Variants in ESRRB observed in about 807,000 individuals in gnomAD.
ESRRB encodes steroid hormone receptor ERR2.
A neutral mutation model predicts 46.0 loss-of-function variants in ESRRB; 16 were observed. The observed-to-expected ratio is 0.35, with a 90% CI of 0.24 to 0.53. The LOEUF (loss-of-function observed/expected upper bound fraction) is 0.53. ESRRB is among the 20% of genes least tolerant of loss of function. The probability of loss-of-function intolerance (pLI) is 0.93; values close to 1 mark genes in which losing one functional copy is unlikely to be tolerated. For missense variants in ESRRB, 488 were observed against 607.4 expected (o/e 0.80, Z 2.07); for synonymous variants, 246 against 259.6 (o/e 0.95, Z 0.50).
intron 1 of ESRRB, among the ~76,000 whole-genome samples, chr14:76,323,342 C>T (rs1307378050): frequency 6.8e-6 from 1 of 148,074 alleles, no homozygotes; most frequent in Non-Finnish European, 1.5e-5. Context: ...GAGGGTCTCA[C>T]TCTGTTGCCC....
intron 1 of ESRRB, among the ~76,000 whole-genome samples, chr14:76,398,927 T>G (rs573577206): frequency 3.3e-4 from 50 of 152,322 alleles, no homozygotes; most frequent in African/African-American, 1.2e-3. Flanking sequence ...CTCTGTCTGC[T>G]GAGGGGACTG....
chr14:76,412,406 G>T (rs1212063396), intron 1 of ESRRB, among the ~76,000 whole-genome samples: 1 of 152,154 alleles, frequency 6.6e-6, no homozygotes, highest in African/African-American at 2.4e-5. Flanking sequence ...TTTCAGTCTT[G>T]TGGGAACCAG....
intron 2 of ESRRB, 78 bp from the exon 3 acceptor site, chr14:76,462,467 C>A: frequency 9.2e-7 from 1 of 1,087,036 alleles, no homozygotes; most frequent in Non-Finnish European, 1.4e-6. Context: ...TTAAAATCCC[C>A]ATCCAGCCAG....
chr14:76,383,912 C>A (rs190836536), intron 1 of ESRRB, among the ~76,000 whole-genome samples: 39 of 152,150 alleles, frequency 2.6e-4, no homozygotes, highest in African/African-American at 9.2e-4. Flanking sequence ...ATCTGAGGCG[C>A]GTGGTGATAG....
chr14:76,353,801 C>CA (rs1479864426), intron 1 of ESRRB, among the ~76,000 whole-genome samples: 2 of 151,508 alleles, frequency 1.3e-5, no homozygotes, highest in African/African-American at 4.9e-5. Flanking sequence ...ATGTTAGTTA[C>CA]AAAAAAATTA....
At chr14:76,479,217 T>TTGTGTG (rs146974231) in intron 3 of ESRRB, among the ~76,000 whole-genome samples, 5 of 144,914 alleles carry the variant, frequency 3.5e-5, no homozygotes, top group Admixed American at 2.8e-4. Flanking sequence ...CACTGTCTGT[T>TTGTGTG]TGTGTGTGTG....
At position 76,381,095 on chromosome 14, in the gene ESRRB, G is replaced by T. The variant is rs1178412749; in HGVS notation, c.50+4644G>T. Among the ~76,000 whole-genome samples the T allele has an allele frequency of 2.6e-5, 4 of 152,306 alleles. No homozygotes were observed. In the East Asian group the frequency reaches 7.7e-4, roughly 29 times the overall value. ...TCACAGACATGGTCTTCCCTCAGAG[G>T]AGAGGCCCATAGGCTTTGGGTGGCC... On this transcript the variant is annotated intron_variant, in intron 1 of 6. Coordinates refer to ENST00000644823, the MANE Select transcript of ESRRB (RefSeq NM_001379180.1).
In ESRRB at chr14:76,500,017, A is replaced by G. The variant is rs776268469; in HGVS notation, c.*1559A>G. On this transcript the variant is annotated 3_prime_UTR_variant, in exon 7 of 7. Transcript: ENST00000644823. The stretch of plus-strand genomic sequence containing the variant: ...CGCCCTTCTAGTCCAACCCCCCTCA[A>G]TGAGAGAGGCAGGCAGATCTCACCC... 34 of 1,563,552 alleles carry G rather than the reference A, an allele frequency of 2.2e-5. No homozygotes were observed. The South Asian group carries it at 2.7e-4, about 12-fold the overall frequency.
At chr14:76,432,225 G>A (rs1046337637) in intron 1 of ESRRB, among the ~76,000 whole-genome samples, 1 of 152,202 alleles carries the variant, frequency 6.6e-6, no homozygotes, top group Non-Finnish European at 1.5e-5. Flanking sequence ...GCATTGAGTG[G>A]GTAGAGGCCG....
At chr14:76,321,899 A>AAAT (rs1555388819) in intron 1 of ESRRB, among the ~76,000 whole-genome samples, 1 of 151,502 alleles carries the variant, frequency 6.6e-6, no homozygotes, top group East Asian at 1.9e-4. Flanking sequence ...AAAAAAAAAA[A>AAAT]ATATATTCTT....
rs73318379 is a variant in ESRRB at position 76,456,131 on chromosome 14, T to G, written c.461-6414T>G. Among the ~76,000 whole-genome samples, 95 of 152,016 alleles carry G rather than the reference T, an allele frequency of 6.2e-4. 1 individual carries two copies. The highest frequency in any genetic ancestry group is 2.2e-3 in the African/African-American group (91 of 41,482). On this transcript the variant is annotated intron_variant, in intron 2 of 6. Transcript: ENST00000644823. The stretch of plus-strand genomic sequence containing the variant: ...TCAGGATTTGGACACCATTGCTGCT[T>G]TGTCTTGTAGCTCCTGCTGCTGCTA...
At chr14:76,451,271 A>G (rs1258080759) in intron 2 of ESRRB, among the ~76,000 whole-genome samples, 2 of 152,328 alleles carry the variant, frequency 1.3e-5, no homozygotes, top group Non-Finnish European at 1.5e-5. Context: ...AACCAGGCTT[A>G]GAATCTCAGC....
At chr14:76,490,307 C>T (rs1890174321) in intron 5 of ESRRB, among the ~76,000 whole-genome samples, 1 of 152,202 alleles carries the variant, frequency 6.6e-6, no homozygotes, top group African/African-American at 2.4e-5. Flanking sequence ...TATTTATTTA[C>T]TTACTCTCTC....
intron 3 of ESRRB, among the ~76,000 whole-genome samples, chr14:76,462,944 C>A (rs1047258807): frequency 5.9e-5 from 9 of 152,174 alleles, no homozygotes; most frequent in Non-Finnish European, 1.3e-4. Context: ...CCTTTAGGGG[C>A]AAATCCCACG....
chr14:76,333,485 A>AT (rs1427020093), intron 1 of ESRRB, among the ~76,000 whole-genome samples: 2 of 122,512 alleles, frequency 1.6e-5, no homozygotes, highest in African/African-American at 3.0e-5. Context: ...ATAAATATAT[A>AT]TTATATATAT....
chr14:76,415,123 T>G (rs1886641744), intron 1 of ESRRB, among the ~76,000 whole-genome samples: 1 of 151,480 alleles, frequency 6.6e-6, no homozygotes, highest in Admixed American at 6.6e-5. Context: ...GCTAGTGGGG[T>G]GGGGTTGGGG....
At chr14:76,469,926 G>GTTTTTTTTTTTTTTTTTTTTT (rs1356927268) in intron 3 of ESRRB, among the ~76,000 whole-genome samples, 4 of 67,650 alleles carry the variant, frequency 5.9e-5, no homozygotes, top group East Asian at 3.9e-4. Context: ...TGTGTTTTTT[G>GTTTTTTTTTTTTTTTTTTTTT]TTGTTTTTTT....
chr14:76,341,599 T>C (rs547532370), intron 1 of ESRRB, among the ~76,000 whole-genome samples: 25 of 152,338 alleles, frequency 1.6e-4, no homozygotes, highest in African/African-American at 5.5e-4. Context: ...CTCCAGGGAA[T>C]AGAGTGGGGA....
intron 5 of ESRRB, among the ~76,000 whole-genome samples, chr14:76,485,661 A>AGAGAG (rs1889987724): frequency 8.6e-5 from 9 of 104,210 alleles, no homozygotes; most frequent in East Asian, 3.3e-4. Flanking sequence ...GAGAGAGAGA[A>AGAGAG]AGAAAGAGAG....
Sources: allele counts gnomAD v4.1 joint callset (sites outside exome capture counted in the v4.1 genomes callset), GRCh38; gene constraint gnomAD v4.1.1; transcripts MANE v1.5; gene names NCBI Gene and HGNC (gene_info 2026-07-23, HGNC 2026-07-21).